Variants in COX7B2 observed in about 807,000 individuals in gnomAD.
COX7B2 encodes cytochrome c oxidase subunit 7B2, mitochondrial.
For synonymous variants in COX7B2, 37 were observed against 32.1 expected (o/e 1.15, Z -0.51); for missense variants, 109 against 95.9 (o/e 1.14, Z -0.57).
intron 1 of COX7B2, among the ~76,000 whole-genome samples, chr4:46,881,141 A>C (rs1236735516): frequency 1.3e-5 from 2 of 152,106 alleles, no homozygotes; most frequent in Non-Finnish European, 2.9e-5. Flanking sequence ...TAGAAAGTTT[A>C]TTTTGCCAAG....
chr4:46,811,890 T>C (rs932584085), intron 2 of COX7B2, among the ~76,000 whole-genome samples: 17 of 152,212 alleles, frequency 1.1e-4, no homozygotes, highest in African/African-American at 4.1e-4. Flanking sequence ...TGATCAATGT[T>C]AGTGATGACT....
chr4:46,735,702 C>T (rs886943954), intron 2 of COX7B2, among the ~76,000 whole-genome samples: 2 of 152,126 alleles, frequency 1.3e-5, no homozygotes, highest in African/African-American at 4.8e-5. Context: ...AGGCAAAATT[C>T]TGCTTGCCTT....
intron 2 of COX7B2, among the ~76,000 whole-genome samples, chr4:46,777,330 A>G (rs1717208375): frequency 6.6e-6 from 1 of 152,104 alleles, no homozygotes; most frequent in Non-Finnish European, 1.5e-5. Flanking sequence ...TGCTTTTATC[A>G]AAGAGCAGAT....
intron 2 of COX7B2, among the ~76,000 whole-genome samples, chr4:46,754,180 A>G (rs1349257481): frequency 6.6e-6 from 1 of 152,048 alleles, no homozygotes; most frequent in African/African-American, 2.4e-5. Context: ...CTAGAACTAG[A>G]AATACCATTT....
At chr4:46,776,393 A>AGT (rs34113475) in intron 2 of COX7B2, among the ~76,000 whole-genome samples, 4,978 of 146,538 alleles carry the variant, frequency 0.034, 160 homozygotes, top group African/African-American at 0.093. Flanking sequence ...GTAGTTTCAG[A>AGT]GTGTGTGTGT....
chr4:46,908,738 C>CA (rs34388680), intron 1 of COX7B2, among the ~76,000 whole-genome samples: 40,015 of 121,040 alleles, frequency 0.33, 6,672 homozygotes, highest in South Asian at 0.42. Flanking sequence ...AGGAAAGTGG[C>CA]AAAAAAAAAA....
chr4:46,907,560 T>C (rs1447237291), intron 1 of COX7B2, among the ~76,000 whole-genome samples: 1 of 152,150 alleles, frequency 6.6e-6, no homozygotes, highest in Non-Finnish European at 1.5e-5. Flanking sequence ...ATATGGTCTT[T>C]ACAAGAAGGG....
intron 1 of COX7B2, among the ~76,000 whole-genome samples, chr4:46,871,510 C>T (rs990962275): frequency 1.3e-5 from 2 of 151,876 alleles, no homozygotes; most frequent in African/African-American, 4.8e-5. Context: ...AAATTTAAAA[C>T]CTTCTGCACA....
intron 2 of COX7B2, among the ~76,000 whole-genome samples, chr4:46,820,846 T>TAG (rs1277124266): frequency 1.7e-4 from 25 of 147,396 alleles, no homozygotes; most frequent in African/African-American, 6.2e-4. Context: ...TATATATATA[T>TAG]ATATATAGAT....
chr4:46,876,069 A>C (rs1386342397), intron 1 of COX7B2, among the ~76,000 whole-genome samples: 1 of 152,142 alleles, frequency 6.6e-6, no homozygotes, highest in Non-Finnish European at 1.5e-5. Flanking sequence ...AATTTTTTTC[A>C]TATTAACCAC....
At chr4:46,819,589 A>G (rs558204221) in intron 2 of COX7B2, among the ~76,000 whole-genome samples, 1 of 151,990 alleles carries the variant, frequency 6.6e-6, no homozygotes, top group Non-Finnish European at 1.5e-5. Context: ...ATTATGTTTT[A>G]AGAAAGTTTA....
intron 1 of COX7B2, among the ~76,000 whole-genome samples, chr4:46,865,534 T>C (rs1039292378): frequency 1.3e-5 from 2 of 152,172 alleles, no homozygotes; most frequent in African/African-American, 4.8e-5. Flanking sequence ...AATAGGAGTA[T>C]CAATTTTTCT....
At chr4:46,868,639 T>TC (rs1303743348) in intron 1 of COX7B2, among the ~76,000 whole-genome samples, 1 of 152,194 alleles carries the variant, frequency 6.6e-6, no homozygotes, top group Non-Finnish European at 1.5e-5. Flanking sequence ...TAAAAATCAC[T>TC]CAGGGGCATG....
intron 1 of COX7B2, among the ~76,000 whole-genome samples, chr4:46,879,011 G>GT (rs1382808291): frequency 1.3e-5 from 2 of 152,108 alleles, no homozygotes; most frequent in Non-Finnish European, 2.9e-5. Flanking sequence ...ACAACATATA[G>GT]GTCACTTGAC....
At chr4:46,792,226 T>C (rs1718087538) in intron 2 of COX7B2, among the ~76,000 whole-genome samples, 1 of 152,216 alleles carries the variant, frequency 6.6e-6, no homozygotes, top group African/African-American at 2.4e-5. Flanking sequence ...CTTCTACATA[T>C]ATTGAACCTG....
chr4:46,896,673 A>G (rs773058170), intron 1 of COX7B2, among the ~76,000 whole-genome samples: 2 of 152,172 alleles, frequency 1.3e-5, no homozygotes, highest in African/African-American at 2.4e-5. Context: ...AAGAACAAGA[A>G]TCCTTAATAG....
At chr4:46,834,947 T>C (rs945372225) in intron 2 of COX7B2, among the ~76,000 whole-genome samples, 2 of 151,900 alleles carry the variant, frequency 1.3e-5, no homozygotes, top group Admixed American at 6.6e-5. Context: ...AACAAAAAAA[T>C]CCCTTGAAAG....
chr4:46,895,242 G>A (rs1052923956), intron 1 of COX7B2, among the ~76,000 whole-genome samples: 1 of 152,034 alleles, frequency 6.6e-6, no homozygotes, highest in African/African-American at 2.4e-5. Flanking sequence ...TAACCTGAAC[G>A]CCCATCAATA....
intron 2 of COX7B2, among the ~76,000 whole-genome samples, chr4:46,788,696 A>C (rs778022408): frequency 6.6e-6 from 1 of 152,220 alleles, no homozygotes; most frequent in Non-Finnish European, 1.5e-5. Flanking sequence ...TATTTTTAGA[A>C]GACACAAAAT....
Sources: allele counts gnomAD v4.1 joint callset (sites outside exome capture counted in the v4.1 genomes callset), GRCh38; gene constraint gnomAD v4.1.1; transcripts MANE v1.5; gene names NCBI Gene and HGNC (gene_info 2026-07-23, HGNC 2026-07-21).